The following FAM135A variants were observed in gnomAD, a reference collection of about 807,000 sequenced individuals.
FAM135A encodes family with sequence similarity 135 member A, also known as protein FAM135A.
Under a neutral mutation model 146.8 loss-of-function variants are expected in FAM135A, and 79 were observed. The observed-to-expected ratio is 0.54, with a 90% CI of 0.45 to 0.65. The LOEUF (loss-of-function observed/expected upper bound fraction) is 0.65, where lower values mean the gene tolerates loss of function less well. Ranked by LOEUF, FAM135A falls within the 30% of genes least tolerant of loss-of-function variation. FAM135A has a pLI of 0.00. For synonymous variants in FAM135A, 562 were observed against 603.6 expected (o/e 0.93, Z 1.01); for missense variants, 1,623 against 1,758.2 (o/e 0.92, Z 1.38).
chr6:70,527,372 TAG>T (rs2128368364), intron 15 of FAM135A, among the ~76,000 whole-genome samples: 1 of 152,150 alleles, frequency 6.6e-6, no homozygotes, highest in South Asian at 2.1e-4. Context: ...TGTATATATA[TAG>T]AGAGAGATTT....
chr6:70,537,728 G>C (rs1797040776), intron 19 of FAM135A, among the ~76,000 whole-genome samples: 1 of 152,166 alleles, frequency 6.6e-6, no homozygotes, highest in East Asian at 1.9e-4. Context: ...TTGAAATTTT[G>C]CTTAATTTCC....
At chr6:70,469,330 A>G (rs1435887867) in intron 5 of FAM135A, among the ~76,000 whole-genome samples, 1 of 152,216 alleles carries the variant, frequency 6.6e-6, no homozygotes, top group African/African-American at 2.4e-5. Flanking sequence ...TAAAATTAAG[A>G]TGAAGTTTAT....
Position 70,477,167 on chromosome 6 carries a change from A to G in FAM135A, c.377A>G (p.Asp126Gly), listed in dbSNP as rs774073914. The change falls in exon 8 of 22, where the codon GAT becomes GGT. Residue 126 changes from aspartate (D) to glycine (G), a missense_variant. By Grantham distance (94) the Asp-to-Gly change is moderately conservative. Coordinates refer to ENST00000418814, the MANE Select transcript of FAM135A (RefSeq NM_001162529.3). ...AGTGTTCCTTTTTACAGGGCAGATG[A>G]TCTGAATGCCTTGCAACTAATAAGT... ...HFTDGDYSAD[D>G]LNALQLISSR... 6.2e-7 allele frequency: 1 copy of G among 1,613,052 alleles called. No homozygotes were observed. Among genetic ancestry groups the G allele is most frequent in the Non-Finnish European group, 8.5e-7 (1 of 1,179,424 alleles).
intron 20 of FAM135A, among the ~76,000 whole-genome samples, chr6:70,542,331 CTTTTTGTA>C (rs1798086154): frequency 6.6e-6 from 1 of 151,726 alleles, no homozygotes; most frequent in African/African-American, 2.4e-5. Context: ...TTTTCTCATG[CTTTTTGTA>C]TCACCTCATG....
At chr6:70,455,006 T>TG (rs1778006916) in intron 5 of FAM135A, among the ~76,000 whole-genome samples, 1 of 152,220 alleles carries the variant, frequency 6.6e-6, no homozygotes, top group Non-Finnish European at 1.5e-5. Flanking sequence ...ATTGAATCTA[T>TG]AAATTACCTT....
At chr6:70,510,158 G>A (rs1790665279) in intron 12 of FAM135A, among the ~76,000 whole-genome samples, 1 of 141,834 alleles carries the variant, frequency 7.1e-6, no homozygotes, top group South Asian at 2.3e-4. Flanking sequence ...AAATCAAAAC[G>A]TTTATTGACA....
chr6:70,473,399 A>T (rs1033927686), intron 5 of FAM135A, among the ~76,000 whole-genome samples: 6 of 151,944 alleles, frequency 3.9e-5, no homozygotes, highest in African/African-American at 1.5e-4. Flanking sequence ...CCATACACTT[A>T]CACATACATA....
At chr6:70,519,532 T>A (rs1793068264) in intron 12 of FAM135A, among the ~76,000 whole-genome samples, 1 of 152,240 alleles carries the variant, frequency 6.6e-6, no homozygotes, top group Non-Finnish European at 1.5e-5. Flanking sequence ...AAGAGTCAAT[T>A]GATGCAGCAA....
chr6:70,530,191 T>A (rs1171593867), intron 16 of FAM135A, among the ~76,000 whole-genome samples: 1 of 152,190 alleles, frequency 6.6e-6, no homozygotes, highest in East Asian at 1.9e-4. Flanking sequence ...TAAGTAAGTA[T>A]AAGGAATTTC....
chr6:70,424,681 A>G (rs903144468), intron 2 of FAM135A, among the ~76,000 whole-genome samples: 2 of 152,212 alleles, frequency 1.3e-5, no homozygotes, highest in Non-Finnish European at 2.9e-5. Flanking sequence ...AAGCGGCCTT[A>G]TTTCTTTCCA....
chr6:70,516,554 G>A (rs1353691501), intron 12 of FAM135A, among the ~76,000 whole-genome samples: 1 of 22,716 alleles, frequency 4.4e-5, no homozygotes, highest in Non-Finnish European at 1.0e-4. Context: ...TTTTTTTTTT[G>A]AGACAGAGTC....
At chr6:70,549,030 G>A (rs1169014208) in intron 20 of FAM135A, among the ~76,000 whole-genome samples, 5 of 152,096 alleles carry the variant, frequency 3.3e-5, no homozygotes, top group Admixed American at 2.6e-4. Flanking sequence ...GTATTGATGA[G>A]TGTGTGAAAC....
intron 20 of FAM135A, among the ~76,000 whole-genome samples, chr6:70,555,384 G>C (rs2128502149): frequency 6.6e-6 from 1 of 152,204 alleles, no homozygotes; most frequent in Middle Eastern, 3.4e-3. Context: ...TCCCACCTCA[G>C]CCTCCTGAGT....
At chr6:70,522,491 A>G in intron 12 of FAM135A, 22 bp from the exon 13 acceptor site, 1 of 1,608,184 alleles carries the variant, frequency 6.2e-7, no homozygotes, top group Non-Finnish European at 8.5e-7. Context: ...TGTTATTAAT[A>G]CTCTCCTTTG....
chr6:70,537,335 ACTCTGT>A (rs1409187607), intron 19 of FAM135A, among the ~76,000 whole-genome samples: 2 of 152,008 alleles, frequency 1.3e-5, no homozygotes, highest in African/African-American at 4.8e-5. Flanking sequence ...ATTATATTTA[ACTCTGT>A]CTCTTTTCAT....
intron 18 of FAM135A, among the ~76,000 whole-genome samples, chr6:70,534,858 A>G (rs1796523136): frequency 6.6e-6 from 1 of 152,190 alleles, no homozygotes; most frequent in Non-Finnish European, 1.5e-5. Context: ...ATAGGGAATA[A>G]GAAGAGAGAT....
chr6:70,479,505 C>T (rs1001842792), intron 8 of FAM135A, among the ~76,000 whole-genome samples: 3 of 152,078 alleles, frequency 2.0e-5, no homozygotes, highest in Admixed American at 6.6e-5. Flanking sequence ...GCTAGAACTT[C>T]GCTGTAAAAG....
chr6:70,479,248 A>C (rs1783237518), intron 8 of FAM135A, among the ~76,000 whole-genome samples: 1 of 152,198 alleles, frequency 6.6e-6, no homozygotes, highest in Admixed American at 6.6e-5. Context: ...TCACCATCGT[A>C]GTGAGTTAAA....
At chr6:70,476,725 G>T (rs563334207) in intron 7 of FAM135A, among the ~76,000 whole-genome samples, 2 of 152,142 alleles carry the variant, frequency 1.3e-5, no homozygotes, top group African/African-American at 4.8e-5. Flanking sequence ...GCAATGGCCT[G>T]CTTATTTTTG....
Sources: allele counts gnomAD v4.1 joint callset (sites outside exome capture counted in the v4.1 genomes callset), GRCh38; gene constraint gnomAD v4.1.1; transcripts MANE v1.5; gene names NCBI Gene and HGNC (gene_info 2026-07-23, HGNC 2026-07-21).